NIT2: variants seen among roughly 807,000 people sequenced by gnomAD.
The protein encoded by NIT2 is omega-amidase NIT2.
NIT2 carries 46 observed loss-of-function variants against 42.7 expected under a neutral mutation model. That is an observed-to-expected ratio of 1.08 (90% CI 0.85 to 1.38). NIT2 has a LOEUF of 1.38. Among genes scored for constraint, NIT2 ranks in the 40% most tolerant of loss-of-function variants. NIT2 has a pLI of 0.00. For synonymous variants in NIT2, 123 were observed against 121.9 expected, an observed-to-expected ratio of 1.01 and a Z score of -0.06; for missense variants, 309 against 342.5, an observed-to-expected ratio of 0.90 and a Z score of 0.77.
chr3:100,341,755 T>A (rs182965499), intron 4 of NIT2, among the ~76,000 whole-genome samples: 8 of 152,206 alleles, frequency 5.3e-5, no homozygotes, highest in Non-Finnish European at 1.2e-4. Flanking sequence ...TAAATGCGTA[T>A]ACATGACCAG....
Position 100,355,806 on chromosome 3 carries a change from T to C in NIT2, c.*538T>C, listed in dbSNP as rs1241940736. 1 of 152,346 alleles carries C rather than the reference T, an allele frequency of 6.6e-6. No homozygotes were observed. The highest frequency in any genetic ancestry group is 2.4e-5 in the African/African-American group (1 of 41,414). The allele number at this position is 152,346 out of a possible 1,614,324, so 9.4% of individuals were successfully genotyped here. A position where few individuals can be genotyped will look rare whatever the true frequency, so the allele number is the denominator to read the frequency against. On this transcript the variant is annotated 3_prime_UTR_variant, in exon 10 of 10. Transcript: ENST00000394140. ...GCACTCTTCAAATTTAAAAAGGAGC[T>C]ACTTATCAACCCCAGGCCCTTCTGG...
intron 4 of NIT2, 85 bp from the exon 5 acceptor site, chr3:100,345,500 C>A: frequency 1.1e-6 from 1 of 894,348 alleles, no homozygotes; most frequent in Non-Finnish European, 1.8e-6. Context: ...GAGCACCTTC[C>A]GTATCTGCCC....
intron 7 of NIT2, 122 bp downstream of exon 7, chr3:100,349,003 A>G: frequency 1.3e-6 from 1 of 741,354 alleles, no homozygotes. Flanking sequence ...ATGCCCTTGT[A>G]TCCAAATGCA....
intron 5 of NIT2, 147 bp downstream of exon 5, chr3:100,345,825 A>G (rs1706210881): frequency 1.6e-6 from 1 of 642,888 alleles, no homozygotes; most frequent in Non-Finnish European, 2.7e-6. Context: ...CAGATCTGGA[A>G]AGTTCGGGCT....
In NIT2 at chr3:100,354,771, G is replaced by T. The variant is rs1366179946; in HGVS notation, c.684-1G>T. 3 of 1,604,720 alleles carry T rather than the reference G, an allele frequency of 1.9e-6. No homozygotes were observed. The highest frequency in any genetic ancestry group is 1.3e-5 in the African/African-American group (1 of 74,554). The stretch of plus-strand genomic sequence containing the variant: ...CTCATTCTCTTCTGCATCTTTTTCA[G>T]GGGGGAGGTTCTAGCCAAAGCTGGC... On this transcript the variant is annotated splice_acceptor_variant, in intron 8 of 9. Transcript: ENST00000394140. LOFTEE classifies it high-confidence loss of function.
rs79129037 is a variant in NIT2 at position 100,342,946 on chromosome 3, A to G, written c.336+1785A>G. 0.013 allele frequency among the ~76,000 whole-genome samples: 1,930 copies of G among 152,004 alleles called. 241 individuals carry two copies. The East Asian group carries it at 0.31, about 24-fold the overall frequency. ...CTAGGAATTCTGTTAGTTTTTCTTT[A>G]TGAATATATCTTTACATTGTTTTCA... On this transcript the variant is annotated intron_variant, in intron 4 of 9. Coordinates refer to ENST00000394140, the MANE Select transcript of NIT2 (RefSeq NM_020202.5).
At chr3:100,345,715 A>G (rs1034412803) in intron 5 of NIT2, 37 bp downstream of exon 5, 6 of 1,245,896 alleles carry the variant, frequency 4.8e-6, no homozygotes, top group Non-Finnish European at 7.1e-6. Context: ...TAGCAATCTC[A>G]GTAGAAGACA....
chr3:100,354,908 T>A, intron 9 of NIT2, 81 bp downstream of exon 9: 1 of 1,212,532 alleles, frequency 8.2e-7, no homozygotes, highest in Non-Finnish European at 1.2e-6. Flanking sequence ...GAAGTCCCTG[T>A]CATTTGGAGG....
chr3:100,339,644 C>G (rs946887162), intron 2 of NIT2, among the ~76,000 whole-genome samples, 171 bp from the exon 3 acceptor site: 1 of 152,102 alleles, frequency 6.6e-6, no homozygotes, highest in Non-Finnish European at 1.5e-5. Flanking sequence ...TGTAGTCTTA[C>G]CTGTGGCTAC....
chr3:100,346,038 T>C (rs1311026960), intron 5 of NIT2, 143 bp from the exon 6 acceptor site: 2 of 654,566 alleles, frequency 3.1e-6, no homozygotes, highest in Non-Finnish European at 5.5e-6. Context: ...AGGAATGAGC[T>C]TGTAAATTAT....
chr3:100,344,994 AC>A, intron 4 of NIT2, among the ~76,000 whole-genome samples: 1 of 137,136 alleles, frequency 7.3e-6, no homozygotes, highest in Non-Finnish European at 1.6e-5. Context: ...TTGCTCTGTC[AC>A]CCAGGCTGGA....
At position 100,341,103 on chromosome 3, in the gene NIT2, T is replaced by C; in HGVS notation, c.278T>C (p.Leu93Ser). The C allele has an allele frequency of 6.2e-7, 1 of 1,613,682 alleles. No homozygotes were observed. The stretch of plus-strand genomic sequence containing the variant: ...ATCCCTGAAGAGGATGCTGGGAAAT[T>C]ATATAACACCTGTGCTGTGTTTGGG... ...GSIPEEDAGK[L>S]YNTCAVFGPD... The change falls in exon 4 of 10, where the codon TTA (leucine) becomes TCA (serine). Residue 93 changes from leucine (L) to serine (S), a missense_variant. Physicochemically the swap from Leu to Ser is moderately radical, Grantham distance 145 (BLOSUM62 -2). Coordinates refer to ENST00000394140, the MANE Select transcript of NIT2 (RefSeq NM_020202.5).
At chr3:100,352,234 A>G (rs1308510808) in intron 7 of NIT2, among the ~76,000 whole-genome samples, 170 bp from the exon 8 acceptor site, 1 of 152,220 alleles carries the variant, frequency 6.6e-6, no homozygotes, top group Non-Finnish European at 1.5e-5. Context: ...TAGAAATACC[A>G]TTTGAGTAAG....
intron 1 of NIT2, among the ~76,000 whole-genome samples, chr3:100,337,101 C>G (rs1314763446): frequency 6.6e-6 from 1 of 152,188 alleles, no homozygotes; most frequent in African/African-American, 2.4e-5. Context: ...CTTGCACAGC[C>G]CTTAATCCAT....
intron 4 of NIT2, among the ~76,000 whole-genome samples, chr3:100,344,959 C>CT (rs35616909): frequency 7.3e-5 from 10 of 136,760 alleles, no homozygotes; most frequent in Admixed American, 2.2e-4. Flanking sequence ...TTTTTTTTTT[C>CT]TTTTTTTTTT....
At position 100,350,697 on chromosome 3, in the gene NIT2, C is replaced by T. The variant is rs1247958302; in HGVS notation, c.585-1707C>T. On this transcript the variant is annotated intron_variant, in intron 7 of 9. Transcript: ENST00000394140. ...TCTAGACATTGTCAAATTTGGTGGG[C>T]AACATTGCTCCTTGCTGAGAACCAC... Among the ~76,000 whole-genome samples, 5 of 152,146 alleles carry T rather than the reference C, an allele frequency of 3.3e-5. No homozygotes were observed. In the South Asian group the frequency reaches 8.3e-4, roughly 25 times the overall value.
Position 100,345,631 on chromosome 3 carries a change from A to G in NIT2, c.383A>G (p.Glu128Gly), listed in dbSNP as rs1706208294. 6.2e-7 allele frequency: 1 copy of G among 1,613,342 alleles called. No homozygotes were observed. ...GTTCCTGGAAAAATTACATTTCAAG[A>G]ATCTAAAACATTGAGTCCGGGTGAT... ...IDVPGKITFQESKTLSPGDSF... is the reference protein window; with the variant it reads ...IDVPGKITFQGSKTLSPGDSF... Residue 128 changes from glutamate (E) to glycine (G), a missense_variant, in exon 5 of 10, where the codon GAA becomes GGA. Coordinates refer to ENST00000394140, the MANE Select transcript of NIT2 (RefSeq NM_020202.5).
intron 6 of NIT2, 131 bp downstream of exon 6, chr3:100,346,386 C>T (rs1194365648): frequency 1.1e-5 from 8 of 745,316 alleles, no homozygotes; most frequent in Non-Finnish European, 1.6e-5. Context: ...CCTTTCACCC[C>T]CATGAGGCTT....
chr3:100,334,918 C>T, intron 1 of NIT2, 120 bp downstream of exon 1: 2 of 1,015,192 alleles, frequency 2.0e-6, no homozygotes, highest in Non-Finnish European at 1.3e-6. Context: ...CGTGCGCGGC[C>T]TTCCCTGAGG....
Sources: allele counts gnomAD v4.1 joint callset (sites outside exome capture counted in the v4.1 genomes callset), GRCh38; gene constraint gnomAD v4.1.1; transcripts MANE v1.5; gene names NCBI Gene and HGNC (gene_info 2026-07-23, HGNC 2026-07-21).